Variants in RIMS2 observed in about 807,000 individuals in gnomAD.
RIMS2 encodes regulating synaptic membrane exocytosis 2, also known as regulating synaptic membrane exocytosis protein 2.
A neutral mutation model predicts 174.4 loss-of-function variants in RIMS2; 59 were observed. The ratio of observed to expected loss-of-function variants is 0.34; its 90% CI spans 0.27 to 0.42. The LOEUF (loss-of-function observed/expected upper bound fraction) is 0.42. Among genes scored for constraint, RIMS2 ranks in the 10% least tolerant of loss-of-function variants. The pLI is 1.00. For missense variants in RIMS2, 1,620 were observed against 1,666.3 expected (o/e 0.97, Z 0.48); for synonymous variants, 606 against 572.5 (o/e 1.06, Z -0.84).
At chr8:104,064,661 T>C (rs1354940897) in intron 19 of RIMS2, among the ~76,000 whole-genome samples, 2 of 151,960 alleles carry the variant, frequency 1.3e-5, no homozygotes, top group African/African-American at 4.8e-5. Context: ...CAAATTATAT[T>C]TTCTCTATTT....
intron 3 of RIMS2, among the ~76,000 whole-genome samples, chr8:103,781,640 G>A (rs1238346295): frequency 6.6e-6 from 1 of 150,622 alleles, no homozygotes; most frequent in South Asian, 2.1e-4. Context: ...TGTTCTCTTT[G>A]AATGTGTTTT....
At chr8:103,913,299 G>A (rs2076083621) in intron 6 of RIMS2, among the ~76,000 whole-genome samples, 2 of 151,902 alleles carry the variant, frequency 1.3e-5, no homozygotes, top group South Asian at 4.2e-4. Flanking sequence ...AAATTAGTTG[G>A]ACATAGCAGC....
chr8:103,766,930 C>T (rs560301168), intron 3 of RIMS2, among the ~76,000 whole-genome samples: 6 of 152,276 alleles, frequency 3.9e-5, no homozygotes, highest in African/African-American at 1.2e-4. Context: ...GGAAGGTTAA[C>T]AATATCTCCA....
intron 1 of RIMS2, among the ~76,000 whole-genome samples, chr8:103,644,326 G>C (rs1283241200): frequency 1.3e-5 from 2 of 152,068 alleles, no homozygotes; most frequent in African/African-American, 2.4e-5. Context: ...AGTTTGTGAG[G>C]TCACATTAAT....
chr8:104,013,648 T>C, intron 18 of RIMS2, 27 bp downstream of exon 20: 1 of 1,599,392 alleles, frequency 6.3e-7, no homozygotes, highest in Non-Finnish European at 8.6e-7. Context: ...TCAGACTAAT[T>C]TCCCCTTTGC....
intron 4 of RIMS2, among the ~76,000 whole-genome samples, chr8:103,896,588 C>T (rs533316512): frequency 1.3e-5 from 2 of 151,666 alleles, no homozygotes; most frequent in Admixed American, 1.3e-4. Flanking sequence ...GAAGTACCAC[C>T]TTTTGCATGA....
At chr8:103,652,378 A>G (rs533971590) in intron 1 of RIMS2, 141 bp downstream of exon 2, 1 of 483,712 alleles carries the variant, frequency 2.1e-6, no homozygotes, top group South Asian at 1.8e-5. Flanking sequence ...CTTGTAAGAG[A>G]GCTGCTTGCA....
intron 1 of RIMS2, among the ~76,000 whole-genome samples, chr8:103,521,999 T>A (rs1448236196): frequency 6.6e-6 from 1 of 152,136 alleles, no homozygotes. Context: ...GTTTTTTTTC[T>A]TTCAGTCTAT....
At chr8:103,713,568 T>C (rs1202254532) in intron 2 of RIMS2, among the ~76,000 whole-genome samples, 1 of 152,226 alleles carries the variant, frequency 6.6e-6, no homozygotes, top group Non-Finnish European at 1.5e-5. Context: ...TGTCTCTCTA[T>C]GTAAACTACG....
chr8:103,940,094 AT>A (rs1292280032), intron 13 of RIMS2, among the ~76,000 whole-genome samples: 1 of 151,856 alleles, frequency 6.6e-6, no homozygotes. Flanking sequence ...ATTTTCAGGT[AT>A]TTTTTTTAGC....
chr8:103,651,610 T>G (rs2096454107), intron 1 of RIMS2, among the ~76,000 whole-genome samples: 1 of 152,186 alleles, frequency 6.6e-6, no homozygotes, highest in East Asian at 1.9e-4. Context: ...TAAATTCATT[T>G]TCAGTCTGGA....
chr8:103,612,660 C>T (rs1003340183), intron 1 of RIMS2, among the ~76,000 whole-genome samples: 4 of 152,184 alleles, frequency 2.6e-5, no homozygotes, highest in Admixed American at 1.3e-4. Context: ...CTCCCTGCAA[C>T]CTCCGCCTAC....
chr8:104,034,029 T>C (rs1433220232), intron 19 of RIMS2, among the ~76,000 whole-genome samples: 1 of 152,196 alleles, frequency 6.6e-6, no homozygotes, highest in East Asian at 1.9e-4. Context: ...AGAAACCCAC[T>C]TCAATAAATT....
In RIMS2 at chr8:104,251,731, CT is replaced by C; in HGVS notation, c.3962del (p.Leu1321GlnfsTer2). On this transcript the variant is annotated frameshift_variant, in exon 24 of 24. Coordinates refer to ENST00000504942, the Ensembl canonical transcript of RIMS2. LOFTEE classifies it high-confidence loss of function. ...GTTCAAACTTTTCCCACCTTCCTCC[CT>C]AGTAGATCCAACCTTGGCCCCTCTG... The C allele has an allele frequency of 1.4e-5, 23 of 1,611,976 alleles. No homozygotes were observed. The highest frequency in any genetic ancestry group is 1.6e-5 in the Non-Finnish European group (19 of 1,178,160).
At chr8:103,573,395 A>T (rs918502635) in intron 1 of RIMS2, among the ~76,000 whole-genome samples, 4 of 152,020 alleles carry the variant, frequency 2.6e-5, no homozygotes, top group African/African-American at 9.7e-5. Flanking sequence ...TTAATTTTTG[A>T]ATATGGTCAC....
chr8:104,150,323 C>T (rs565442647), intron 19 of RIMS2, among the ~76,000 whole-genome samples: 24 of 152,174 alleles, frequency 1.6e-4, no homozygotes, highest in African/African-American at 4.6e-4. Context: ...AAGTATTGAA[C>T]GCTTACCGTG....
At chr8:103,603,087 A>G (rs570998513) in intron 1 of RIMS2, among the ~76,000 whole-genome samples, 60 of 151,168 alleles carry the variant, frequency 4.0e-4, no homozygotes, top group African/African-American at 1.5e-3. Context: ...ATGCTGGTGC[A>G]CTGCACCCAC....
At chr8:103,782,395 T>C (rs1458325603) in intron 3 of RIMS2, among the ~76,000 whole-genome samples, 1 of 152,010 alleles carries the variant, frequency 6.6e-6, no homozygotes, top group African/African-American at 2.4e-5. Context: ...TTACAACATT[T>C]TTTTGCTATT....
At chr8:104,120,710 C>A (rs993329257) in intron 19 of RIMS2, among the ~76,000 whole-genome samples, 2 of 151,814 alleles carry the variant, frequency 1.3e-5, no homozygotes, top group Admixed American at 6.6e-5. Flanking sequence ...CAACAGGCAG[C>A]AACTTAGAGT....
Sources: allele counts gnomAD v4.1 joint callset (sites outside exome capture counted in the v4.1 genomes callset), GRCh38; gene constraint gnomAD v4.1.1; transcripts MANE v1.5; gene names NCBI Gene and HGNC (gene_info 2026-07-23, HGNC 2026-07-21).